ADAMTS18: variants seen among roughly 807,000 people sequenced by gnomAD.
ADAMTS18 encodes ADAM metallopeptidase with thrombospondin type 1 motif 18, also known as A disintegrin and metalloproteinase with thrombospondin motifs 18.
In ADAMTS18, 157 loss-of-function variants were observed where a neutral mutation model predicts 165.9. That is an observed-to-expected ratio of 0.95 (90% CI 0.83 to 1.08). The LOEUF is 1.08. Ranked by LOEUF, ADAMTS18 falls within the 50% of genes least tolerant of loss-of-function variation. The pLI is 0.00. For missense variants in ADAMTS18, 2,040 were observed against 1,534.0 expected (o/e 1.33, Z -5.51); for synonymous variants, 782 against 578.2 (o/e 1.35, Z -5.06).
chr16:77,332,752 T>C (rs1430039160), intron 12 of ADAMTS18, among the ~76,000 whole-genome samples: 3 of 152,116 alleles, frequency 2.0e-5, no homozygotes, highest in African/African-American at 4.8e-5. Context: ...CAGACTCCAG[T>C]ATGACCAGAC....
chr16:77,328,299 G>C lies in ADAMTS18; in HGVS notation c.1860-2261C>G, dbSNP rs115447747. Reference sequence around the variant, plus strand: ...CTCCTCCCATTTTGAGGTTTTCTCTGAAGGCCAAAACTCAACTATGGATCA... The same window carrying C: ...CTCCTCCCATTTTGAGGTTTTCTCTCAAGGCCAAAACTCAACTATGGATCA... On this transcript the variant is annotated intron_variant, in intron 12 of 22. Transcript: ENST00000282849. Among the ~76,000 whole-genome samples the C allele has an allele frequency of 6.6e-3, 1,004 of 152,218 alleles. 13 individuals carry two copies. The highest frequency in any genetic ancestry group is 0.023 in the African/African-American group (968 of 41,522).
intron 3 of ADAMTS18, among the ~76,000 whole-genome samples, chr16:77,417,698 C>T (rs539904564): frequency 6.6e-6 from 1 of 152,340 alleles, no homozygotes; most frequent in East Asian, 1.9e-4. Context: ...TGGTGCGCTG[C>T]ACCCACTAAC....
At chr16:77,378,803 G>T (rs2056990309) in intron 3 of ADAMTS18, 1 of 152,144 alleles carries the variant, frequency 6.6e-6, no homozygotes, top group African/African-American at 2.4e-5. Flanking sequence ...TTATCATTAT[G>T]ATTATTACAT....
At chr16:77,285,110 TAGGAAATGCA>T (rs1212243716) in intron 22 of ADAMTS18, among the ~76,000 whole-genome samples, 1 of 151,032 alleles carries the variant, frequency 6.6e-6, no homozygotes, top group African/African-American at 2.5e-5. Context: ...CCTCAGGAGA[TAGGAAATGCA>T]AGTGAATGGG....
chr16:77,320,629 A>C (rs1431819817), intron 15 of ADAMTS18, among the ~76,000 whole-genome samples: 1 of 48,726 alleles, frequency 2.1e-5, no homozygotes, highest in Admixed American at 3.1e-4. Flanking sequence ...ACAGAGCAAG[A>C]CTCTGTCTCA....
At chr16:77,379,813 G>A (rs952514113) in intron 3 of ADAMTS18, among the ~76,000 whole-genome samples, 1 of 152,086 alleles carries the variant, frequency 6.6e-6, no homozygotes, top group Non-Finnish European at 1.5e-5. Flanking sequence ...GATGAGTCAG[G>A]TAAAGGCCCT....
intron 3 of ADAMTS18, among the ~76,000 whole-genome samples, chr16:77,406,660 A>G (rs976653585): frequency 6.6e-6 from 1 of 152,116 alleles, no homozygotes; most frequent in Non-Finnish European, 1.5e-5. Flanking sequence ...ACACGCACTC[A>G]TATGTTCATC....
At chr16:77,387,549 C>G (rs2057126686) in intron 3 of ADAMTS18, among the ~76,000 whole-genome samples, 1 of 152,126 alleles carries the variant, frequency 6.6e-6, no homozygotes. Flanking sequence ...GCAAATTACT[C>G]CATATCCCTT....
chr16:77,352,709 G>A (rs1423992557), intron 10 of ADAMTS18, among the ~76,000 whole-genome samples: 1 of 151,876 alleles, frequency 6.6e-6, no homozygotes, highest in Non-Finnish European at 1.5e-5. Context: ...GAGTAGAGGG[G>A]GAAAGAGGAG....
chr16:77,353,878 T>C lies in ADAMTS18; in HGVS notation c.1469A>G (p.Gln490Arg). 2 of 1,614,200 alleles carry C rather than the reference T, an allele frequency of 1.2e-6. No homozygotes were observed. Among genetic ancestry groups the C allele is most frequent in the Non-Finnish European group, 1.7e-6 (2 of 1,180,024 alleles). Residue 490 changes from glutamine to arginine, a missense_variant, in exon 10 of 23, where the codon CAG becomes CGG. Transcript: ENST00000282849. ...QYLKKFLSTP[Q>R]AGCLVDEPKQ... ...GGGCTCATCCACTAGACACCCCGCC[T>C]GAGGTGTGCTGTAATGACAATACAT...
intron 3 of ADAMTS18, among the ~76,000 whole-genome samples, chr16:77,428,152 A>C (rs1225497753): frequency 1.3e-5 from 2 of 151,990 alleles, no homozygotes; most frequent in East Asian, 3.9e-4. Context: ...TGATATATAA[A>C]CTTCAGGTGA....
chr16:77,331,561 A>C (rs1275396904), intron 12 of ADAMTS18, among the ~76,000 whole-genome samples: 1 of 152,302 alleles, frequency 6.6e-6, no homozygotes, highest in Admixed American at 6.5e-5. Context: ...CATTATATTC[A>C]GTCACTGGGC....
In ADAMTS18 at chr16:77,282,181, A is replaced by G. The variant is rs777878317; in HGVS notation, c.*1775T>C. Reference sequence around the variant, plus strand: ...TATAAAACTTATAAAATAATTAAATATTACACATATATTTTGACTTTTCTC... The same window carrying G: ...TATAAAACTTATAAAATAATTAAATGTTACACATATATTTTGACTTTTCTC... On this transcript the variant is annotated 3_prime_UTR_variant, in exon 23 of 23. Transcript: ENST00000282849. 1 of 152,184 alleles carries G rather than the reference A, an allele frequency of 6.6e-6. No homozygotes were observed. Among genetic ancestry groups the G allele is most frequent in the African/African-American group, 2.4e-5 (1 of 41,442 alleles). 9.4% of individuals were successfully genotyped at this position (152,184 alleles called of 1,614,324 possible). A position where few individuals can be genotyped will look rare whatever the true frequency, so the allele number is the denominator to read the frequency against.
chr16:77,419,423 T>C (rs1000278838), intron 3 of ADAMTS18, among the ~76,000 whole-genome samples: 1 of 152,134 alleles, frequency 6.6e-6, no homozygotes, highest in Admixed American at 6.5e-5. Context: ...CCCATGTGCC[T>C]TGTGTCATGG....
chr16:77,415,475 G>A (rs2057518302), intron 3 of ADAMTS18, among the ~76,000 whole-genome samples: 1 of 152,130 alleles, frequency 6.6e-6, no homozygotes, highest in Admixed American at 6.5e-5. Flanking sequence ...GCAACCCTGG[G>A]ATTATCTTCC....
At chr16:77,427,200 GC>G (rs1339053946) in intron 3 of ADAMTS18, among the ~76,000 whole-genome samples, 1 of 152,090 alleles carries the variant, frequency 6.6e-6, no homozygotes, top group Non-Finnish European at 1.5e-5. Flanking sequence ...CACATTTTCA[GC>G]CCTTCAAGTG....
intron 13 of ADAMTS18, among the ~76,000 whole-genome samples, chr16:77,323,589 G>A (rs1355175317): frequency 6.6e-6 from 1 of 150,530 alleles, no homozygotes; most frequent in Non-Finnish European, 1.5e-5. Context: ...ACAGATTCCT[G>A]GGTGAGTTTA....
intron 10 of ADAMTS18, among the ~76,000 whole-genome samples, chr16:77,345,859 C>G (rs999729265): frequency 2.6e-5 from 4 of 152,166 alleles, no homozygotes; most frequent in African/African-American, 9.7e-5. Flanking sequence ...CTTTTCTGCT[C>G]AAAACCCTGT....
At chr16:77,309,387 G>C (rs1273630932) in intron 16 of ADAMTS18, among the ~76,000 whole-genome samples, 1 of 152,078 alleles carries the variant, frequency 6.6e-6, no homozygotes, top group African/African-American at 2.4e-5. Flanking sequence ...ACAAATCCTT[G>C]ATTACCCTGA....
Sources: gnomAD v4.1 joint callset for allele counts (sites outside exome capture counted in the v4.1 genomes callset) on GRCh38, gnomAD v4.1.1 for gene constraint, MANE v1.5 for transcripts, NCBI Gene and HGNC (gene_info 2026-07-23, HGNC 2026-07-21) for gene names.